Variants in CHRM1 observed in about 807,000 individuals in gnomAD.
CHRM1 encodes the protein cholinergic receptor muscarinic 1.
Under a neutral mutation model 31.6 loss-of-function variants are expected in CHRM1, and 5 were observed. The ratio of observed to expected loss-of-function variants is 0.16; its 90% confidence interval spans 0.08 to 0.33. The LOEUF (loss-of-function observed/expected upper bound fraction) is 0.33. CHRM1 is among the 10% of genes least tolerant of loss of function. CHRM1 has a pLI of 1.00. For missense variants in CHRM1, 338 were observed against 610.3 expected (o/e 0.55, Z 4.70); for synonymous variants, 227 against 249.7 (o/e 0.91, Z 0.86).
chr11:62,911,006 G>A lies in CHRM1; in HGVS notation c.95C>T (p.Thr32Met), dbSNP rs2085867951. 6.2e-7 allele frequency: 1 copy of A among 1,614,200 alleles called. No individual in the cohort carries two copies. Among genetic ancestry groups the A allele is most frequent in the Non-Finnish European group, 8.5e-7 (1 of 1,180,030 alleles). Residue 32 changes from threonine (T) to methionine (M), a missense_variant, in exon 2 of 2, where the codon ACG (threonine) becomes ATG (methionine). By Grantham distance (81) the Thr-to-Met change is moderately conservative. Transcript: ENST00000306960. ...CACTGTGGCTAGCGACAGGAGGCCC[G>A]TGGTGATCCCAATGAAGGCCACTTG... ...PWQVAFIGIT[T>M]GLLSLATVTG...
At chr11:62,918,380 AC>A (rs1484699316) in intron 1 of CHRM1, 5 of 152,178 alleles carry the variant, frequency 3.3e-5, no homozygotes, top group African/African-American at 9.7e-5. Context: ...TGTGTACTCA[AC>A]TTCAGACCCT....
chr11:62,909,566 G>T lies in CHRM1; in HGVS notation c.*152C>A. The T allele has an allele frequency of 1.1e-6, 1 of 902,644 alleles. No individual in the cohort carries two copies. The highest frequency in any genetic ancestry group is 1.7e-6 in the Non-Finnish European group (1 of 599,000). 55.9% of individuals were successfully genotyped at this position (902,644 alleles called of 1,614,324 possible). ...AATAGCGAAGTCTGGAAAGTTGGCA[G>T]GGTCTCTCTGGGCTGCCCAGGAAGG... On this transcript the variant is annotated 3_prime_UTR_variant, in exon 2 of 2. Coordinates refer to ENST00000306960, the MANE Select transcript of CHRM1 (RefSeq NM_000738.3).
chr11:62,910,047 G>A lies in CHRM1; in HGVS notation c.1054C>T (p.Arg352Trp), dbSNP rs1411222098. 8.1e-6 allele frequency: 13 copies of A among 1,613,552 alleles called. No individual in the cohort carries two copies. The highest frequency in any genetic ancestry group is 1.3e-5 in the African/African-American group (1 of 75,042). Residue 352 changes from arginine (R) to tryptophan (W), a missense_variant, in exon 2 of 2, where the codon CGG becomes TGG. Around this residue, in one of 4 missense-constraint regions of CHRM1, gnomAD observed 183 missense variants for 223.4 expected, o/e 0.82. Coordinates refer to ENST00000306960, the MANE Select transcript of CHRM1 (RefSeq NM_000738.3). This position sits in a 1 kb window ranked among gnomAD's most constrained non-coding sequence, Gnocchi z 8.7. ...TCCTTGACCAGCGAGAAGGTCTTCC[G>A]CTTGGCCAGCTGCTCCTTTCCACGG... ...KPRGKEQLAK[R>W]KTFSLVKEKK...
Position 62,910,831 on chromosome 11 carries a change from G to A in CHRM1, c.270C>T (p.His90=). The change falls in exon 2 of 2, where the codon CAC becomes CAT. Residue 90 remains histidine (H), a synonymous_variant. Coordinates refer to ENST00000306960, the MANE Select transcript of CHRM1 (RefSeq NM_000738.3). This position sits in a 1 kb window ranked among gnomAD's most constrained non-coding sequence, Gnocchi z 8.7. ...NLYTTYLLMG[H]WALGTLACDL... ...CACAAGCCAGCGTGCCCAGAGCCCA[G>A]TGGCCCATGAGCAGGTACGTGGTAT... 1 of 1,614,198 alleles carries A rather than the reference G, an allele frequency of 6.2e-7. No homozygotes were observed. Among genetic ancestry groups the A allele is most frequent in the Non-Finnish European group, 8.5e-7 (1 of 1,180,030 alleles).
In CHRM1 at chr11:62,909,681, C is replaced by G; in HGVS notation, c.*37G>C. The G allele has an allele frequency of 6.3e-7, 1 of 1,598,804 alleles. No homozygotes were observed. The highest frequency in any genetic ancestry group is 8.5e-7 in the Non-Finnish European group (1 of 1,171,842). ...CTGCCCTCTTCCCACCGGCCTTTCC[C>G]GGGGACTGGGGTGGAGGGATGCAGG... On this transcript the variant is annotated 3_prime_UTR_variant, in exon 2 of 2. Coordinates refer to ENST00000306960, the MANE Select transcript of CHRM1 (RefSeq NM_000738.3).
In CHRM1 at chr11:62,911,008, G is replaced by T. The variant is rs1425077186; in HGVS notation, c.93C>A (p.Thr31=). The T allele has an allele frequency of 1.2e-6, 2 of 1,614,196 alleles. No homozygotes were observed. Among genetic ancestry groups the T allele is most frequent in the Admixed American group, 3.3e-5 (2 of 60,024 alleles). ...GPWQVAFIGI[T]TGLLSLATVT... The stretch of plus-strand genomic sequence containing the variant: ...CTGTGGCTAGCGACAGGAGGCCCGT[G>T]GTGATCCCAATGAAGGCCACTTGCC... The change falls in exon 2 of 2, where the codon ACC becomes ACA. Residue 31 remains threonine (T), a synonymous_variant. Coordinates refer to ENST00000306960, the MANE Select transcript of CHRM1 (RefSeq NM_000738.3).
intron 1 of CHRM1, among the ~76,000 whole-genome samples, chr11:62,912,225 G>T (rs2085874912): frequency 1.3e-5 from 2 of 151,868 alleles, no homozygotes. Context: ...AAAATTAGCC[G>T]GGCGTGGTGG....
intron 1 of CHRM1, among the ~76,000 whole-genome samples, chr11:62,920,274 C>A (rs367942734): frequency 1.3e-5 from 2 of 152,158 alleles, no homozygotes; most frequent in South Asian, 2.1e-4. Context: ...AAGATGTGAA[C>A]CCCTCTCCAT....
intron 1 of CHRM1, chr11:62,920,676 G>A (rs1039207141): frequency 6.6e-6 from 1 of 152,188 alleles, no homozygotes; most frequent in Non-Finnish European, 1.5e-5. Context: ...CACCCACCTT[G>A]GCTTCTAGCT....
In CHRM1 at chr11:62,910,344, C is replaced by G; in HGVS notation, c.757G>C (p.Glu253Gln). The change falls in exon 2 of 2, where the codon GAG becomes CAG. Residue 253 changes from glutamate to glutamine, a missense_variant. This residue lies in a region of CHRM1 where 183 missense variants were observed against 223.4 expected (regional missense o/e 0.82). Transcript: ENST00000306960. This position sits in a 1 kb window ranked among gnomAD's most constrained non-coding sequence, Gnocchi z 8.7. ...RSQPGAEGSPETPPGRCCRCC... is the reference protein window; with the variant it reads ...RSQPGAEGSPQTPPGRCCRCC... ...CGACAGCAGCGGCCTGGAGGAGTCT[C>G]TGGTGAGCCCTCAGCCCCTGGCTGA... The G allele has an allele frequency of 6.2e-7, 1 of 1,609,914 alleles. No individual in the cohort carries two copies. The highest frequency in any genetic ancestry group is 1.1e-5 in the South Asian group (1 of 91,068).
chr11:62,909,844 T>A lies in CHRM1; in HGVS notation c.1257A>T (p.Ala419=). ...VNSTINPMCY[A]LCNKAFRDTF... is the part of the protein sequence containing the mutation. ...TGTCCCGGAAGGCTTTGTTGCAGAG[T>A]GCGTAGCACATGGGGTTGATGGTGC... The change falls in exon 2 of 2, where the codon GCA becomes GCT. Residue 419 remains alanine, a synonymous_variant. Transcript: ENST00000306960. 6.2e-7 allele frequency: 1 copy of A among 1,614,092 alleles called. No homozygotes were observed. Among genetic ancestry groups the A allele is most frequent in the Non-Finnish European group, 8.5e-7 (1 of 1,179,984 alleles).
chr11:62,915,794 G>A (rs1280510444), intron 1 of CHRM1, among the ~76,000 whole-genome samples: 2 of 152,000 alleles, frequency 1.3e-5, no homozygotes, highest in Non-Finnish European at 2.9e-5. Flanking sequence ...AAAAGTTAAA[G>A]CCTTATTGTT....
At chr11:62,919,614 C>T (rs1198208201) in intron 1 of CHRM1, among the ~76,000 whole-genome samples, 1 of 152,062 alleles carries the variant, frequency 6.6e-6, no homozygotes, top group Non-Finnish European at 1.5e-5. Flanking sequence ...CTCCCTCCCT[C>T]CTCCATCCTT....
Position 62,909,509 on chromosome 11 carries a change from A to C in CHRM1, c.*209T>G. The stretch of plus-strand genomic sequence containing the variant: ...TTCCCACCCAGCAGGGAACAGAAAA[A>C]CCAGTTCCCCGGGTTTCCCTCCCTG... On this transcript the variant is annotated 3_prime_UTR_variant, in exon 2 of 2. Coordinates refer to ENST00000306960, the MANE Select transcript of CHRM1 (RefSeq NM_000738.3). 3.3e-6 allele frequency: 2 copies of C among 607,942 alleles called. No homozygotes were observed. The highest frequency in any genetic ancestry group is 2.2e-5 in the South Asian group (1 of 45,948). The allele number at this position is 607,942 out of a possible 1,614,324, so 37.7% of individuals were successfully genotyped here. A position where few individuals can be genotyped will look rare whatever the true frequency, so the allele number is the denominator to read the frequency against.
intron 1 of CHRM1, among the ~76,000 whole-genome samples, chr11:62,912,475 TG>T (rs2085877022): frequency 6.7e-6 from 1 of 150,334 alleles, no homozygotes; most frequent in South Asian, 2.1e-4. Flanking sequence ...TCTGGGCCCA[TG>T]GGGTGTGGGA....
intron 1 of CHRM1, among the ~76,000 whole-genome samples, chr11:62,912,901 G>A (rs1391270173): frequency 2.0e-5 from 3 of 152,250 alleles, no homozygotes; most frequent in Non-Finnish European, 4.4e-5. Context: ...TTGGGCACCT[G>A]GCCTGTGACA....
chr11:62,921,150 C>G (rs535631233), intron 1 of CHRM1, 68 bp downstream of exon 1: 1 of 152,738 alleles, frequency 6.5e-6, no homozygotes, highest in African/African-American at 2.4e-5. Flanking sequence ...TGCCCTCCCC[C>G]GCTCCCCAGG....
At position 62,910,331 on chromosome 11, in the gene CHRM1, C is replaced by T; in HGVS notation, c.770G>A (p.Gly257Asp). ...GAEGSPETPPGRCCRCCRAPR... is the reference protein window; with the variant it reads ...GAEGSPETPPDRCCRCCRAPR... ...GGCCCGGCAGCAGCGACAGCAGCGG[C>T]CTGGAGGAGTCTCTGGTGAGCCCTC... Residue 257 changes from glycine to aspartate, a missense_variant, in exon 2 of 2, where the codon GGC becomes GAC. Gly to Asp is a moderately conservative substitution (Grantham distance 94). This residue lies in a region of CHRM1 where 183 missense variants were observed against 223.4 expected (regional missense o/e 0.82). Coordinates refer to ENST00000306960, the MANE Select transcript of CHRM1 (RefSeq NM_000738.3). This position sits in a 1 kb window ranked among gnomAD's most constrained non-coding sequence, Gnocchi z 8.7. 6.2e-7 allele frequency: 1 copy of T among 1,610,438 alleles called. No homozygotes were observed. The highest frequency in any genetic ancestry group is 8.5e-7 in the Non-Finnish European group (1 of 1,179,980).
Position 62,910,426 on chromosome 11 carries a change from A to T in CHRM1, c.675T>A (p.Leu225=). The T allele has an allele frequency of 6.2e-6, 10 of 1,613,240 alleles. No homozygotes were observed. The highest frequency in any genetic ancestry group is 7.6e-6 in the Non-Finnish European group (9 of 1,180,018). ...TENRARELAA[L]QGSETPGKGG... ...CTTTGCCTGGCGTCTCGGAGCCCTG[A>T]AGGGCTGCCAGCTCCCGTGCTCGGT... is the stretch of plus-strand genomic sequence containing the variant. The change falls in exon 2 of 2, where the codon CTT becomes CTA. Residue 225 remains leucine, a synonymous_variant. Transcript: ENST00000306960. The surrounding 1 kb of genome is among the most constrained non-coding windows in gnomAD (Gnocchi z 8.7).
Sources: allele counts gnomAD v4.1 joint callset (sites outside exome capture counted in the v4.1 genomes callset), GRCh38; gene constraint gnomAD v4.1.1; regional missense constraint gnomAD v4.1.1; non-coding constraint Gnocchi (gnomAD v3.1); transcripts MANE v1.5; gene names NCBI Gene and HGNC (gene_info 2026-07-23, HGNC 2026-07-21).